Variants in ESRRB observed in about 807,000 individuals in gnomAD.
ESRRB encodes estrogen related receptor beta.
A neutral mutation model predicts 46.0 loss-of-function variants in ESRRB; 16 were observed. The ratio of observed to expected loss-of-function variants is 0.35; its 90% CI spans 0.24 to 0.53. ESRRB has a LOEUF of 0.53. Ranked by LOEUF, ESRRB falls within the 20% of genes least tolerant of loss-of-function variation. ESRRB has a pLI of 0.93. For synonymous variants in ESRRB, 246 were observed against 259.6 expected, an observed-to-expected ratio of 0.95 and a Z score of 0.50; for missense variants, 488 against 607.4, an observed-to-expected ratio of 0.80 and a Z score of 2.07.
At chr14:76,358,363 GAAAGAAAGAA>G (rs1340925351) in intron 1 of ESRRB, among the ~76,000 whole-genome samples, 1 of 59,184 alleles carries the variant, frequency 1.7e-5, no homozygotes, top group Non-Finnish European at 3.7e-5. Context: ...AAGAAAGAAA[GAAAGAAAGAA>G]AGAAAGAAAG....
At chr14:76,339,576 G>A (rs1884167210) in intron 1 of ESRRB, among the ~76,000 whole-genome samples, 1 of 152,178 alleles carries the variant, frequency 6.6e-6, no homozygotes, top group Admixed American at 6.5e-5. Flanking sequence ...ACAGGCCCCT[G>A]TACAGCTGTG....
intron 1 of ESRRB, among the ~76,000 whole-genome samples, chr14:76,420,558 A>AGTGTGTGTGTGTGAGTGT (rs1555395360): frequency 6.3e-5 from 9 of 142,364 alleles, no homozygotes; most frequent in Admixed American, 3.5e-4. Context: ...ACAGGGTGTG[A>AGTGTGTGTGTGTGAGTGT]GTGTGTGTGT....
Position 76,451,334 on chromosome 14 carries a change from C to A in ESRRB, c.461-11211C>A, listed in dbSNP as rs527942176. ...GGGCAAGTGACTTAGTTTTCCTGAG[C>A]CTTAATGTCCGTATCAGTAAAATGT... On this transcript the variant is annotated intron_variant, in intron 2 of 6. Coordinates refer to ENST00000644823, the MANE Select transcript of ESRRB (RefSeq NM_001379180.1). Among the ~76,000 whole-genome samples, 142 of 152,278 alleles carry A rather than the reference C, an allele frequency of 9.3e-4. No homozygotes were observed. In the Middle Eastern group the frequency reaches 0.01, roughly 11 times the overall value.
intron 1 of ESRRB, among the ~76,000 whole-genome samples, chr14:76,336,325 A>T (rs1244621421): frequency 1.3e-5 from 2 of 152,080 alleles, no homozygotes; most frequent in Non-Finnish European, 2.9e-5. Flanking sequence ...AGGGCTCAAG[A>T]CCAAGTCTTG....
chr14:76,376,992 G>A lies in ESRRB; in HGVS notation c.50+541G>A, dbSNP rs1884794444. Among the ~76,000 whole-genome samples, 1 of 152,210 alleles carries A rather than the reference G, an allele frequency of 6.6e-6. No homozygotes were observed. The highest frequency in any genetic ancestry group is 6.5e-5 in the Admixed American group (1 of 15,288). ...GCTCTCGCCTCGCGGTCTCCGTGGG[G>A]CGCCCCGAGGGTGCGCACGTGGCGC... On this transcript the variant is annotated intron_variant, in intron 1 of 6. Transcript: ENST00000644823. This position sits in a 1 kb window ranked among gnomAD's most constrained non-coding sequence, Gnocchi z 4.1.
intron 1 of ESRRB, among the ~76,000 whole-genome samples, chr14:76,386,191 T>C (rs1489257358): frequency 2.6e-5 from 4 of 152,144 alleles, no homozygotes; most frequent in Admixed American, 6.5e-5. Context: ...AGAGGATGAA[T>C]AGGAAATTTT....
intron 1 of ESRRB, among the ~76,000 whole-genome samples, chr14:76,418,318 A>G (rs1249501822): frequency 6.6e-6 from 1 of 152,166 alleles, no homozygotes; most frequent in Non-Finnish European, 1.5e-5. Flanking sequence ...AAAATTGCCA[A>G]GATAGTGCAG....
chr14:76,386,553 T>G (rs1191375593), intron 1 of ESRRB, among the ~76,000 whole-genome samples: 2 of 146,730 alleles, frequency 1.4e-5, no homozygotes, highest in East Asian at 2.0e-4. Context: ...GCCTCCCGGG[T>G]TCAAGCGATT....
chr14:76,451,286 C>T (rs1368989724), intron 2 of ESRRB, among the ~76,000 whole-genome samples: 1 of 152,098 alleles, frequency 6.6e-6, no homozygotes, highest in East Asian at 1.9e-4. Flanking sequence ...CTCAGCTTCA[C>T]GATTTCTTAG....
In ESRRB at chr14:76,499,905, A is replaced by G. The variant is rs1198397819; in HGVS notation, c.*1447A>G. On this transcript the variant is annotated 3_prime_UTR_variant, in exon 7 of 7. Coordinates refer to ENST00000644823, the MANE Select transcript of ESRRB (RefSeq NM_001379180.1). ...TAGAGGATCTCCCAAGGATGAAAGA[A>G]TGTCAAGCCATGATGGAAAATGCCC... 6.2e-7 allele frequency: 1 copy of G among 1,614,178 alleles called. No homozygotes were observed. The highest frequency in any genetic ancestry group is 1.7e-5 in the Admixed American group (1 of 60,024).
At position 76,499,493 on chromosome 14, in the gene ESRRB, A is replaced by G. The variant is rs1890577705; in HGVS notation, c.*1035A>G. On this transcript the variant is annotated 3_prime_UTR_variant, in exon 7 of 7. Coordinates refer to ENST00000644823, the MANE Select transcript of ESRRB (RefSeq NM_001379180.1). ...GAGATAAGTAGGCAGGGGAGCCCCA[A>G]AGGGAGGGAACTCAGCGGGGTGGCC... 5.3e-6 allele frequency: 2 copies of G among 377,500 alleles called. No individual in the cohort carries two copies. The highest frequency in any genetic ancestry group is 2.3e-5 in the South Asian group (1 of 42,916). 23.4% of individuals were successfully genotyped at this position (377,500 alleles called of 1,614,324 possible).
At chr14:76,423,616 C>T (rs993505383) in intron 1 of ESRRB, among the ~76,000 whole-genome samples, 2 of 152,006 alleles carry the variant, frequency 1.3e-5, no homozygotes, top group East Asian at 1.9e-4. Context: ...TGACTCAGAC[C>T]GGTGACTGTC....
At chr14:76,362,645 G>A (rs1045892849) in intron 1 of ESRRB, among the ~76,000 whole-genome samples, 1 of 152,206 alleles carries the variant, frequency 6.6e-6, no homozygotes, top group Non-Finnish European at 1.5e-5. Flanking sequence ...TTGTAGTCGT[G>A]ATGCTTCTTT....
At chr14:76,435,499 T>G (rs1425651804) in intron 1 of ESRRB, among the ~76,000 whole-genome samples, 3 of 152,192 alleles carry the variant, frequency 2.0e-5, no homozygotes, top group Non-Finnish European at 4.4e-5. Flanking sequence ...CATTGACAGT[T>G]CCTAGAAAAG....
chr14:76,336,017 G>A (rs79512145), intron 1 of ESRRB, among the ~76,000 whole-genome samples: 11,579 of 152,220 alleles, frequency 0.076, 535 homozygotes, highest in South Asian at 0.15. Flanking sequence ...AGCAAATAAC[G>A]GGCAGAGCTG....
chr14:76,462,397 G>A (rs928606562), intron 2 of ESRRB, 148 bp from the exon 3 acceptor site: 2 of 658,558 alleles, frequency 3.0e-6, no homozygotes, highest in South Asian at 1.6e-5. Context: ...AAAATGTTCT[G>A]ACAAGCACCT....
intron 1 of ESRRB, among the ~76,000 whole-genome samples, chr14:76,346,883 T>A (rs1884257311): frequency 6.6e-6 from 1 of 152,180 alleles, no homozygotes; most frequent in Admixed American, 6.5e-5. Context: ...GCTATAGATT[T>A]CCTGTCAGAG....
At chr14:76,416,182 C>T (rs1886692607) in intron 1 of ESRRB, among the ~76,000 whole-genome samples, 1 of 142,902 alleles carries the variant, frequency 7.0e-6, no homozygotes, top group South Asian at 2.2e-4. Context: ...GTCACACAGG[C>T]TAGAGTGCAG....
chr14:76,500,645 A>C lies in ESRRB; in HGVS notation c.*2187A>C. The C allele has an allele frequency of 1.2e-5, 20 of 1,608,298 alleles. No individual in the cohort carries two copies. The highest frequency in any genetic ancestry group is 1.7e-5 in the Admixed American group (1 of 60,022). On this transcript the variant is annotated 3_prime_UTR_variant, in exon 7 of 7. Transcript: ENST00000644823. ...ACTTCCTGCTCAAGCTGGAGGACCC[A>C]GGCGGCAGGGCATCATGCCCAGCTG...
Sources: allele counts gnomAD v4.1 joint callset (sites outside exome capture counted in the v4.1 genomes callset), GRCh38; gene constraint gnomAD v4.1.1; non-coding constraint Gnocchi (gnomAD v3.1); transcripts MANE v1.5; gene names NCBI Gene and HGNC (gene_info 2026-07-23, HGNC 2026-07-21).